The following SRSF10 variants were observed in gnomAD, a reference collection of about 807,000 sequenced individuals.
SRSF10 encodes the protein serine and arginine rich splicing factor 10.
In SRSF10, 9 loss-of-function variants were observed where a neutral mutation model predicts 32.6. That is an observed-to-expected ratio of 0.28 (90% CI 0.17 to 0.48). SRSF10 has a LOEUF of 0.48. Among genes scored for constraint, SRSF10 ranks in the 20% least tolerant of loss-of-function variants. The pLI is 0.99. For missense variants in SRSF10, 201 were observed against 331.8 expected (o/e 0.61, Z 3.06); for synonymous variants, 105 against 112.4 (o/e 0.93, Z 0.42).
At position 23,969,735 on chromosome 1, in the gene SRSF10, A is replaced by T. The variant is rs1401557678; in HGVS notation, c.*1407T>A. 103 of 985,282 alleles carry T rather than the reference A, an allele frequency of 1.0e-4. No individual in the cohort carries two copies. Among genetic ancestry groups the T allele is most frequent in the Non-Finnish European group, 1.2e-4 (102 of 829,892 alleles). The allele number at this position is 985,282 out of a possible 1,614,324, so 61.0% of individuals were successfully genotyped here. ...AAATACTAGAAATTATAAATGGTTT[A>T]AGGGTATTACTTCATTTTTAGTCAG... On this transcript the variant is annotated 3_prime_UTR_variant, in exon 6 of 6. Transcript: ENST00000492112.
chr1:23,979,659 C>A (rs1371247378), intron 1 of SRSF10, among the ~76,000 whole-genome samples: 1 of 152,164 alleles, frequency 6.6e-6, no homozygotes, highest in Non-Finnish European at 1.5e-5. Flanking sequence ...AATCTAACTC[C>A]CCAAATCTCA....
intron 3 of SRSF10, 59 bp from the exon 4 acceptor site, chr1:23,972,071 A>G: frequency 7.3e-7 from 1 of 1,377,274 alleles, no homozygotes; most frequent in Non-Finnish European, 9.5e-7. Context: ...TAAAGCCCTC[A>G]ATAAATAGGG....
At chr1:23,976,436 G>C (rs1642096213) in intron 2 of SRSF10, 1 of 152,208 alleles carries the variant, frequency 6.6e-6, no homozygotes, top group African/African-American at 2.4e-5. Context: ...AACATGAAAA[G>C]GGAAAGGCTG....
Position 23,968,004 on chromosome 1 carries a change from G to A in SRSF10, c.*3138C>T. 1.3e-6 allele frequency: 2 copies of A among 1,537,178 alleles called. No homozygotes were observed. The highest frequency in any genetic ancestry group is 1.7e-6 in the Non-Finnish European group (2 of 1,145,976). On this transcript the variant is annotated 3_prime_UTR_variant, in exon 6 of 6. Transcript: ENST00000492112. The stretch of plus-strand genomic sequence containing the variant: ...CAGAGAGATCTTAAGTAAAAGGAGA[G>A]GTGAAGTGTGTCAGCCCTCATTTGA...
rs1479074378 is a variant in SRSF10, at chr1:23,969,698, G to C, written c.*1444C>G. The C allele has an allele frequency of 2.3e-5, 23 of 985,092 alleles. No individual in the cohort carries two copies. The highest frequency in any genetic ancestry group is 2.8e-5 in the Non-Finnish European group (23 of 829,784). The allele number at this position is 985,092 out of a possible 1,614,324, so 61.0% of individuals were successfully genotyped here. The stretch of plus-strand genomic sequence containing the variant: ...GTCAAGTCACTTTTGTCCCCAAAAC[G>C]ATCTTTCAGAGAAATACTAGAAATT... On this transcript the variant is annotated 3_prime_UTR_variant, in exon 6 of 6. Transcript: ENST00000492112.
rs2148516494 is a variant in SRSF10 at position 23,980,310 on chromosome 1, C to A, written c.-55G>T. ...AACGGGCTCAGCAAACCGTCCGCGG[C>A]TCAGGCGGCCGAGCCTCAGACACAC... On this transcript the variant is annotated 5_prime_UTR_variant, in exon 1 of 6. Coordinates refer to ENST00000492112, the MANE Select transcript of SRSF10 (RefSeq NM_054016.4). 7.2e-7 allele frequency: 1 copy of A among 1,384,416 alleles called. No homozygotes were observed. The highest frequency in any genetic ancestry group is 1.5e-5 in the African/African-American group (1 of 66,270). 85.8% of individuals were successfully genotyped at this position (1,384,416 alleles called of 1,614,324 possible).
At chr1:23,974,531 G>C (rs1284318980) in intron 3 of SRSF10, among the ~76,000 whole-genome samples, 1 of 152,120 alleles carries the variant, frequency 6.6e-6, no homozygotes, top group African/African-American at 2.4e-5. Flanking sequence ...TCTTAAATAT[G>C]ATCATTTTGG....
At position 23,975,262 on chromosome 1, in the gene SRSF10, T is replaced by A. The variant is rs1443119783; in HGVS notation, c.171-185A>T. The A allele has an allele frequency of 1.1e-5, 6 of 559,342 alleles. No homozygotes were observed. In the African/African-American group the frequency reaches 1.1e-4, roughly 11 times the overall value. The allele number at this position is 559,342 out of a possible 1,614,324, so 34.6% of individuals were successfully genotyped here. On this transcript the variant is annotated intron_variant, in intron 2 of 5. Transcript: ENST00000492112. ...ACACTTCACACTATAAAAGCACTTG[T>A]GATTTCCTAAGGCACACATTTGAAA...
At chr1:23,978,219 A>T (rs921829428) in intron 2 of SRSF10, 136 of 985,682 alleles carry the variant, frequency 1.4e-4, no homozygotes, top group Middle Eastern at 5.2e-4. Flanking sequence ...TCTACTCTAA[A>T]GGTTCTTTCA....
chr1:23,969,422 G>C lies in SRSF10; in HGVS notation c.*1720C>G. ...ATGAACATTAACTGCAAACAGTAAA[G>C]AAATGAAAGTTAGAAATACTATCAA... On this transcript the variant is annotated 3_prime_UTR_variant, in exon 6 of 6. Transcript: ENST00000492112. The C allele has an allele frequency of 1.0e-6, 1 of 985,528 alleles. No homozygotes were observed. Among genetic ancestry groups the C allele is most frequent in the Non-Finnish European group, 1.2e-6 (1 of 829,690 alleles). The allele number at this position is 985,528 out of a possible 1,614,324, so 61.0% of individuals were successfully genotyped here. A position where few individuals can be genotyped will look rare whatever the true frequency, so the allele number is the denominator to read the frequency against.
At chr1:23,974,801 CCAG>C (rs1641985576) in intron 3 of SRSF10, among the ~76,000 whole-genome samples, 170 bp downstream of exon 3, 1 of 151,348 alleles carries the variant, frequency 6.6e-6, no homozygotes, top group Non-Finnish European at 1.5e-5. Context: ...TGCACACATT[CCAG>C]CCTGGGCAAC....
chr1:23,970,516 A>T lies in SRSF10; in HGVS notation c.*626T>A, dbSNP rs1177765382. The T allele has an allele frequency of 2.0e-6, 1 of 496,020 alleles. No homozygotes were observed. The highest frequency in any genetic ancestry group is 2.6e-6 in the Non-Finnish European group (1 of 383,768). 30.7% of individuals were successfully genotyped at this position (496,020 alleles called of 1,614,324 possible). A position where few individuals can be genotyped will look rare whatever the true frequency, so the allele number is the denominator to read the frequency against. ...GCTGAGATTACAGGCATGTGCCACC[A>T]TGCCCGGATAATTTTTGTATTTTTA... On this transcript the variant is annotated 3_prime_UTR_variant, in exon 6 of 6. Transcript: ENST00000492112.
intron 3 of SRSF10, among the ~76,000 whole-genome samples, chr1:23,973,066 G>A (rs1169231761): frequency 6.6e-6 from 1 of 152,144 alleles, no homozygotes; most frequent in Non-Finnish European, 1.5e-5. Context: ...TTTTAGAGGT[G>A]TCTGTAGTTT....
chr1:23,968,218 T>C lies in SRSF10; in HGVS notation c.*2924A>G, dbSNP rs1641552684. Among the ~76,000 whole-genome samples, 1 of 152,148 alleles carries C rather than the reference T, an allele frequency of 6.6e-6. No individual in the cohort carries two copies. The highest frequency in any genetic ancestry group is 1.9e-4 in the East Asian group (1 of 5,204). ...ATATAGTCCTTTTGAAGCTGTTAGG[T>C]GTGTCGCTTTAGGAACAACATATAA... is the stretch of plus-strand genomic sequence containing the variant. On this transcript the variant is annotated 3_prime_UTR_variant, in exon 6 of 6. Coordinates refer to ENST00000492112, the MANE Select transcript of SRSF10 (RefSeq NM_054016.4).
intron 1 of SRSF10, 57 bp from the exon 2 acceptor site, chr1:23,978,874 G>T (rs1642237513): frequency 2.1e-6 from 3 of 1,410,340 alleles, no homozygotes; most frequent in Admixed American, 4.5e-5. Context: ...AGATGTATAG[G>T]CAATATATCT....
Position 23,975,039 on chromosome 1 carries a change from T to C in SRSF10, c.209A>G (p.Asn70Ser). Reference sequence around the variant, plus strand: ...TCCACAAATCCACTTTCTGTCCAAATTATGTAAAGCGTCTTCAGCATCACG... The same window carrying C: ...TCCACAAATCCACTTTCTGTCCAAACTATGTAAAGCGTCTTCAGCATCACG... The part of the protein sequence containing the change: ...DVRDAEDALH[N>S]LDRKWICGRQ... The change falls in exon 3 of 6, where the codon AAT (asparagine) becomes AGT (serine). Residue 70 changes from asparagine to serine, a missense_variant. By Grantham distance (46) the Asn-to-Ser change is conservative. This residue lies in a region of SRSF10 where 41 missense variants were observed against 109.5 expected (regional missense o/e 0.37). Transcript: ENST00000492112. 6.2e-7 allele frequency: 1 copy of C among 1,613,992 alleles called. No individual in the cohort carries two copies. The highest frequency in any genetic ancestry group is 8.5e-7 in the Non-Finnish European group (1 of 1,179,868).
rs1158483771 is a variant in SRSF10 at position 23,966,804 on chromosome 1, T to G, written c.*4338A>C. On this transcript the variant is annotated 3_prime_UTR_variant, in exon 6 of 6. Coordinates refer to ENST00000492112, the MANE Select transcript of SRSF10 (RefSeq NM_054016.4). ...TATTTATAATAATGTGATCAAATAC[T>G]GGATACTTTTAAATGGCAGATAACC... The G allele has an allele frequency of 6.6e-6, 1 of 152,094 alleles. No homozygotes were observed. The highest frequency in any genetic ancestry group is 1.5e-5 in the Non-Finnish European group (1 of 67,938). The allele number at this position is 152,094 out of a possible 1,614,324, so 9.4% of individuals were successfully genotyped here.
chr1:23,970,119 C>A lies in SRSF10; in HGVS notation c.*1023G>T. Reference sequence around the variant, plus strand: ...CGCTCCTTAAACTTTAGAATAACTACATAAGAATATTCCTTTTTCCTTAAA... The same window carrying A: ...CGCTCCTTAAACTTTAGAATAACTAAATAAGAATATTCCTTTTTCCTTAAA... On this transcript the variant is annotated 3_prime_UTR_variant, in exon 6 of 6. Transcript: ENST00000492112. 1 of 985,312 alleles carries A rather than the reference C, an allele frequency of 1.0e-6. No homozygotes were observed. Among genetic ancestry groups the A allele is most frequent in the Non-Finnish European group, 1.2e-6 (1 of 829,870 alleles). The allele number at this position is 985,312 out of a possible 1,614,324, so 61.0% of individuals were successfully genotyped here. A position where few individuals can be genotyped will look rare whatever the true frequency, so the allele number is the denominator to read the frequency against.
intron 5 of SRSF10, 58 bp from the exon 6 acceptor site, chr1:23,971,497 ATTTGT>A: frequency 6.3e-7 from 1 of 1,588,304 alleles, no homozygotes; most frequent in East Asian, 2.2e-5. Flanking sequence ...TATTAATCAA[ATTTGT>A]TATTTTTAGA....
Sources: allele counts gnomAD v4.1 joint callset (sites outside exome capture counted in the v4.1 genomes callset), GRCh38; gene constraint gnomAD v4.1.1; regional missense constraint gnomAD v4.1.1; transcripts MANE v1.5; gene names NCBI Gene and HGNC (gene_info 2026-07-23, HGNC 2026-07-21).